Variants in SCLT1 observed in about 807,000 individuals in gnomAD.
SCLT1 encodes the protein sodium channel and clathrin linker 1.
In SCLT1, 78 loss-of-function variants were observed where a neutral mutation model predicts 112.8. The observed-to-expected ratio is 0.69, with a 90% CI of 0.58 to 0.83. The LOEUF (loss-of-function observed/expected upper bound fraction) is 0.83. SCLT1 is among the 40% of genes least tolerant of loss of function. The probability of loss-of-function intolerance (pLI) is 0.00; values close to 1 mark genes in which losing one functional copy is unlikely to be tolerated. For missense variants in SCLT1, 747 were observed against 770.4 expected, an observed-to-expected ratio of 0.97 and a Z score of 0.36; for synonymous variants, 257 against 254.7, an observed-to-expected ratio of 1.01 and a Z score of -0.09.
chr4:128,907,050 G>A (rs1273597966), intron 18 of SCLT1, among the ~76,000 whole-genome samples: 1 of 151,272 alleles, frequency 6.6e-6, no homozygotes, highest in East Asian at 2.0e-4. Flanking sequence ...AGTCAAATCC[G>A]TGTGTGAAGA....
At chr4:128,981,717 A>G (rs1235648328) in intron 9 of SCLT1, among the ~76,000 whole-genome samples, 1 of 151,786 alleles carries the variant, frequency 6.6e-6, no homozygotes, top group Non-Finnish European at 1.5e-5. Flanking sequence ...TTTGAATAAT[A>G]ATAAAACTCT....
At chr4:128,947,452 ACT>A (rs1434137636) in intron 15 of SCLT1, among the ~76,000 whole-genome samples, 1 of 151,848 alleles carries the variant, frequency 6.6e-6, no homozygotes, top group Non-Finnish European at 1.5e-5. Flanking sequence ...TTTGTGTATT[ACT>A]CTTTTACTGA....
At chr4:129,065,692 T>C (rs1750417774) in intron 2 of SCLT1, among the ~76,000 whole-genome samples, 1 of 152,236 alleles carries the variant, frequency 6.6e-6, no homozygotes, top group South Asian at 2.1e-4. Flanking sequence ...AATTTATTTA[T>C]ATAATGTAAT....
At chr4:128,939,555 T>C (rs1386939553) in intron 17 of SCLT1, among the ~76,000 whole-genome samples, 1 of 152,148 alleles carries the variant, frequency 6.6e-6, no homozygotes, top group Non-Finnish European at 1.5e-5. Flanking sequence ...TGCTTCTTCC[T>C]TCCTTTACAG....
At position 129,018,858 on chromosome 4, in the gene SCLT1, C is replaced by T. The variant is rs112901472; in HGVS notation, c.291-14982G>A. 5.7e-3 allele frequency among the ~76,000 whole-genome samples: 867 copies of T among 151,992 alleles called. 16 individuals are homozygous for T. The highest frequency in any genetic ancestry group is 0.019 in the African/African-American group (794 of 41,478). ...ATTATATGTTATGCCAGGTACAACACGAGTAACACAAAAAAGAAACAGGTT... is the reference window on the plus strand; with the variant it reads ...ATTATATGTTATGCCAGGTACAACATGAGTAACACAAAAAAGAAACAGGTT... On this transcript the variant is annotated intron_variant, in intron 5 of 20. Coordinates refer to ENST00000281142, the MANE Select transcript of SCLT1 (RefSeq NM_144643.4).
At chr4:129,024,665 G>T (rs969966503) in intron 5 of SCLT1, among the ~76,000 whole-genome samples, 3 of 152,236 alleles carry the variant, frequency 2.0e-5, no homozygotes, top group African/African-American at 7.2e-5. Context: ...AAGGAACGCA[G>T]TTCCTCACCA....
intron 2 of SCLT1, 117 bp downstream of exon 2, chr4:129,082,189 T>C: frequency 2.2e-6 from 1 of 446,428 alleles, no homozygotes; most frequent in Non-Finnish European, 4.0e-6. Flanking sequence ...AGATTTACTT[T>C]CATTAAGCAA....
intron 9 of SCLT1, among the ~76,000 whole-genome samples, chr4:128,981,484 T>A (rs1288495039): frequency 1.3e-5 from 2 of 152,178 alleles, no homozygotes; most frequent in Admixed American, 1.3e-4. Flanking sequence ...CCTTTTAAGA[T>A]GTCTTTCCAG....
chr4:128,974,087 T>C (rs888045201), intron 9 of SCLT1, among the ~76,000 whole-genome samples: 2 of 152,200 alleles, frequency 1.3e-5, no homozygotes, highest in African/African-American at 4.8e-5. Context: ...CACAGAATTA[T>C]AAAGTTCAAA....
Position 128,992,135 on chromosome 4 carries a change from A to C in SCLT1, c.686+32T>G, listed in dbSNP as rs372235222. ...GCTCCCCTGAAGAAAAATAATTAAC[A>C]ATGAAATAATGAAACTCATTTTTGA... On this transcript the variant is annotated intron_variant, in intron 9 of 20. Coordinates refer to ENST00000281142, the MANE Select transcript of SCLT1 (RefSeq NM_144643.4). 1.4e-5 allele frequency: 19 copies of C among 1,382,104 alleles called. No homozygotes were observed. The African/African-American group carries it at 2.6e-4, about 19-fold the overall frequency. 85.6% of individuals were successfully genotyped at this position (1,382,104 alleles called of 1,614,324 possible).
intron 2 of SCLT1, among the ~76,000 whole-genome samples, chr4:129,063,176 T>C (rs1321373558): frequency 6.6e-6 from 1 of 152,248 alleles, no homozygotes; most frequent in Non-Finnish European, 1.5e-5. Flanking sequence ...AAGCTCTCTA[T>C]TGCACTTTTC....
intron 2 of SCLT1, among the ~76,000 whole-genome samples, chr4:129,050,707 T>G (rs1287229898): frequency 6.6e-6 from 1 of 152,226 alleles, no homozygotes; most frequent in Non-Finnish European, 1.5e-5. Context: ...GATAGTTGCT[T>G]TTGCTATGCA....
chr4:128,931,345 G>A (rs1248226956), intron 18 of SCLT1, among the ~76,000 whole-genome samples: 1 of 152,124 alleles, frequency 6.6e-6, no homozygotes, highest in Non-Finnish European at 1.5e-5. Flanking sequence ...ACTGCCTTTT[G>A]TGTATTTCTT....
rs181927354 is a variant in SCLT1, at chr4:129,028,841, A to C, written c.290+10200T>G. Reference sequence around the variant, plus strand: ...CCAACAAATTTACAACAAAAAAAAAACCATCCCATCAAAAAGTGGGCAAAG... The same window carrying C: ...CCAACAAATTTACAACAAAAAAAAACCCATCCCATCAAAAAGTGGGCAAAG... On this transcript the variant is annotated intron_variant, in intron 5 of 20. Coordinates refer to ENST00000281142, the MANE Select transcript of SCLT1 (RefSeq NM_144643.4). Among the ~76,000 whole-genome samples the C allele has an allele frequency of 6.1e-3, 930 of 152,204 alleles. 2 individuals are homozygous for C. Among genetic ancestry groups the C allele is most frequent in the Middle Eastern group, 0.01 (3 of 294 alleles).
rs983052201 is a variant in SCLT1 at position 128,933,438 on chromosome 4, TG to T, written c.1829+3216del. 2.6e-5 allele frequency among the ~76,000 whole-genome samples: 4 copies of T among 152,272 alleles called. No homozygotes were observed. The East Asian group carries it at 5.8e-4, about 22-fold the overall frequency. Reference sequence around the variant, plus strand: ...TTTTGATATCCAGATAGTCCCCACATGGGCCAGGGGGAGCTAACTTAAGTTG... The same window carrying T: ...TTTTGATATCCAGATAGTCCCCACATGGCCAGGGGGAGCTAACTTAAGTTG... On this transcript the variant is annotated intron_variant, in intron 18 of 20. Transcript: ENST00000281142.
intron 3 of SCLT1, chr4:128,876,704 T>C (rs1732530037): frequency 6.6e-6 from 1 of 152,266 alleles, no homozygotes. Context: ...AACTGTTCCC[T>C]GTACTACTTA....
chr4:129,062,913 C>T (rs546867354), intron 2 of SCLT1, among the ~76,000 whole-genome samples: 2 of 152,306 alleles, frequency 1.3e-5, no homozygotes, highest in East Asian at 1.9e-4. Context: ...TTATGTCTGA[C>T]GTCCAGACGT....
At chr4:128,905,668 T>A (rs1424081218) in intron 18 of SCLT1, among the ~76,000 whole-genome samples, 2 of 152,182 alleles carry the variant, frequency 1.3e-5, no homozygotes, top group Non-Finnish European at 2.9e-5. Context: ...CTCACTATAC[T>A]CACTCACATG....
At chr4:129,047,008 G>C (rs763815269) in intron 2 of SCLT1, among the ~76,000 whole-genome samples, 1 of 152,124 alleles carries the variant, frequency 6.6e-6, no homozygotes, top group East Asian at 1.9e-4. Context: ...TTATTAATTT[G>C]AAGACATTCT....
Sources: gnomAD v4.1 joint callset for allele counts (sites outside exome capture counted in the v4.1 genomes callset) on GRCh38, gnomAD v4.1.1 for gene constraint, MANE v1.5 for transcripts, NCBI Gene and HGNC (gene_info 2026-07-23, HGNC 2026-07-21) for gene names.